Variants in TEAD2 observed in about 807,000 individuals in gnomAD.
The protein encoded by TEAD2 is TEA domain transcription factor 2, also known as transcriptional enhancer factor TEF-4.
In TEAD2, 51 loss-of-function variants were observed where a neutral mutation model predicts 61.4. The ratio of observed to expected loss-of-function variants is 0.83; its 90% CI spans 0.66 to 1.05. The LOEUF is 1.05. Among genes scored for constraint, TEAD2 ranks in the 50% least tolerant of loss-of-function variants. The pLI, the probability that TEAD2 is intolerant of heterozygous loss-of-function variation, is 0.00. For missense variants in TEAD2, 509 were observed against 600.0 expected (o/e 0.85, Z 1.58); for synonymous variants, 244 against 243.2 (o/e 1.00, Z -0.03).
intron 10 of TEAD2, among the ~76,000 whole-genome samples, chr19:49,346,915 C>A (rs1030523251): frequency 6.6e-6 from 1 of 152,198 alleles, no homozygotes; most frequent in Non-Finnish European, 1.5e-5. Flanking sequence ...GCCCAGGACC[C>A]TATTAGCTAC....
chr19:49,341,231 G>A lies in TEAD2; in HGVS notation c.*93C>T. 2 of 1,117,554 alleles carry A rather than the reference G, an allele frequency of 1.8e-6. No homozygotes were observed. The highest frequency in any genetic ancestry group is 2.7e-6 in the Non-Finnish European group (2 of 743,668). The allele number at this position is 1,117,554 out of a possible 1,614,324, so 69.2% of individuals were successfully genotyped here. On this transcript the variant is annotated 3_prime_UTR_variant, in exon 13 of 13. Transcript: ENST00000593945. The surrounding 1 kb of genome is among the most constrained non-coding windows in gnomAD (Gnocchi z 4.2). Reference sequence around the variant, plus strand: ...CTGAGGTCAACCCCTTTACATCACAGCCCTCTCCCCAAATAAGAAGCATGA... The same window carrying A: ...CTGAGGTCAACCCCTTTACATCACAACCCTCTCCCCAAATAAGAAGCATGA...
At position 49,348,747 on chromosome 19, in the gene TEAD2, C is replaced by G. The variant is rs1365284391; in HGVS notation, c.703G>C (p.Val235Leu). ...RGLGTARLQLVEFSAFVEPPD... is the reference protein window; with the variant it reads ...RGLGTARLQLLEFSAFVEPPD... ...GGTTCCACGAAGGCTGAGAACTCTA[C>G]CAGCTGCAACCGGGCGGTGCCCAGG... The change falls in exon 9 of 13, where the codon GTA becomes CTA. Residue 235 changes from valine to leucine, a missense_variant. By Grantham distance (32) the Val-to-Leu change is conservative (BLOSUM62 1). Coordinates refer to ENST00000593945, the MANE Select transcript of TEAD2 (RefSeq NM_001256660.2). The G allele has an allele frequency of 6.2e-7, 1 of 1,614,126 alleles. No homozygotes were observed. The highest frequency in any genetic ancestry group is 1.7e-5 in the Admixed American group (1 of 60,012).
chr19:49,356,036 G>A (rs575420450), intron 4 of TEAD2, 66 bp from the exon 5 acceptor site: 531 of 1,207,136 alleles, frequency 4.4e-4, no homozygotes, highest in African/African-American at 3.1e-3. Context: ...AGTACGGCCC[G>A]GACTCCCCCA....
rs779314372 is a variant in TEAD2 at position 49,359,473 on chromosome 19, T to G, written c.259A>C (p.Ile87Leu). ...YGRNELIARY[I>L]KLRTGKTRTR... ...CGGGTCTTCCCCGTTCTCAGCTTGATGTAGCGGGCGATCAGTTCATTCCGA... is the reference window on the plus strand; with the variant it reads ...CGGGTCTTCCCCGTTCTCAGCTTGAGGTAGCGGGCGATCAGTTCATTCCGA... Residue 87 changes from isoleucine to leucine, a missense_variant, in exon 3 of 13, where the codon ATC becomes CTC. Physicochemically the swap from Ile to Leu is conservative, Grantham distance 5. Coordinates refer to ENST00000593945, the MANE Select transcript of TEAD2 (RefSeq NM_001256660.2). This position sits in a 1 kb window ranked among gnomAD's most constrained non-coding sequence, Gnocchi z 4.1. 1.4e-5 allele frequency: 23 copies of G among 1,614,070 alleles called. No individual in the cohort carries two copies. In the Admixed American group the frequency reaches 3.8e-4, roughly 27 times the overall value.
intron 7 of TEAD2, among the ~76,000 whole-genome samples, chr19:49,353,950 G>GTTTTT (rs1430808102): frequency 1.1e-5 from 1 of 94,100 alleles, no homozygotes; most frequent in African/African-American, 4.7e-5. Context: ...CCAGCTAATT[G>GTTTTT]TTTTTTGTTT....
rs186832262 is a variant in TEAD2 at position 49,354,953 on chromosome 19, G to A, written c.539+195C>T. Among the ~76,000 whole-genome samples the A allele has an allele frequency of 3.5e-3, 530 of 152,252 alleles. 3 individuals carry two copies. Among genetic ancestry groups the A allele is most frequent in the Non-Finnish European group, 5.6e-3 (380 of 68,014 alleles). On this transcript the variant is annotated intron_variant, in intron 7 of 12. Coordinates refer to ENST00000593945, the MANE Select transcript of TEAD2 (RefSeq NM_001256660.2). ...GCGGAGGTTGCAGTGAGCCGAGATC[G>A]CACCACTGTACTCCATCCAGCCTGG...
intron 7 of TEAD2, among the ~76,000 whole-genome samples, chr19:49,352,488 C>T (rs1355961665): frequency 6.6e-6 from 1 of 152,100 alleles, no homozygotes. Flanking sequence ...GCAGGAAGAT[C>T]GCTTGAGCCC....
intron 8 of TEAD2, chr19:49,349,052 G>A (rs1351060472): frequency 2.6e-5 from 13 of 498,274 alleles, no homozygotes; most frequent in Non-Finnish European, 3.2e-5. Context: ...CTGGGAAGGA[G>A]TTTCTTCCTG....
chr19:49,343,102 G>T, intron 11 of TEAD2, 129 bp downstream of exon 11: 1 of 1,094,778 alleles, frequency 9.1e-7, no homozygotes, highest in Non-Finnish European at 1.3e-6. Flanking sequence ...CCCAACGCAT[G>T]CATTAAACCC....
intron 7 of TEAD2, among the ~76,000 whole-genome samples, chr19:49,353,965 T>G (rs1000290461): frequency 5.3e-5 from 8 of 150,384 alleles, no homozygotes; most frequent in African/African-American, 2.0e-4. Flanking sequence ...TTGTTTTTTT[T>G]TTTTTGGTGT....
intron 4 of TEAD2, chr19:49,356,290 GAACA>G (rs1972387202): frequency 5.3e-6 from 1 of 187,442 alleles, no homozygotes; most frequent in Non-Finnish European, 1.0e-5. Context: ...AATCCAGACA[GAACA>G]GACAGGGAAC....
At chr19:49,348,032 A>C (rs1354321551) in intron 9 of TEAD2, among the ~76,000 whole-genome samples, 1 of 152,152 alleles carries the variant, frequency 6.6e-6, no homozygotes, top group Non-Finnish European at 1.5e-5. Flanking sequence ...TCCAAGTCAG[A>C]TTCCTAAAAC....
rs1455765167 is a variant in TEAD2, at chr19:49,341,090, C to G, written c.*234G>C. The stretch of plus-strand genomic sequence containing the variant: ...GGAGTGATCTGTCCTTTCAGACACC[C>G]ACTGTGAGGTCCCAATATCGGGGTT... On this transcript the variant is annotated 3_prime_UTR_variant, in exon 13 of 13. Coordinates refer to ENST00000593945, the MANE Select transcript of TEAD2 (RefSeq NM_001256660.2). The surrounding 1 kb of genome is among the most constrained non-coding windows in gnomAD (Gnocchi z 4.2). 6.1e-6 allele frequency: 3 copies of G among 492,090 alleles called. No homozygotes were observed. The highest frequency in any genetic ancestry group is 1.1e-5 in the Non-Finnish European group (3 of 270,332). 30.5% of individuals were successfully genotyped at this position (492,090 alleles called of 1,614,324 possible).
chr19:49,350,317 TTTTA>T (rs893480102), intron 8 of TEAD2, among the ~76,000 whole-genome samples: 1 of 152,062 alleles, frequency 6.6e-6, no homozygotes, highest in African/African-American at 2.4e-5. Context: ...TTATTTTTTA[TTTTA>T]TTTATTTATT....
At chr19:49,348,128 A>C (rs1270700237) in intron 9 of TEAD2, among the ~76,000 whole-genome samples, 1 of 152,048 alleles carries the variant, frequency 6.6e-6, no homozygotes, top group East Asian at 1.9e-4. Flanking sequence ...GCCTTAGAAA[A>C]TGGCAGAGCC....
intron 4 of TEAD2, among the ~76,000 whole-genome samples, chr19:49,356,886 A>AC (rs1169875348): frequency 1.3e-5 from 2 of 150,394 alleles, no homozygotes; most frequent in African/African-American, 2.5e-5. Context: ...GGATGACTGC[A>AC]CCCCCCGCCC....
At chr19:49,357,141 G>A (rs896741735) in intron 4 of TEAD2, 111 bp downstream of exon 4, 41 of 1,028,262 alleles carry the variant, frequency 4.0e-5, no homozygotes, top group African/African-American at 8.1e-5. Flanking sequence ...AGTCCTCCCC[G>A]CTCTAAGTCT....
chr19:49,354,146 G>C (rs978102308), intron 7 of TEAD2, among the ~76,000 whole-genome samples: 1 of 150,214 alleles, frequency 6.7e-6, no homozygotes, highest in African/African-American at 2.4e-5. Context: ...CTGCCTCACC[G>C]TCCTGCAGCC....
chr19:49,340,778 A>AT lies in TEAD2; in HGVS notation c.*545dup, dbSNP rs1333758140. ...CACCCACTTATAAATATCTCGTTATATTAAAAAAAAAAAAAATGTCCAGGG... is the reference window on the plus strand; with the variant it reads ...CACCCACTTATAAATATCTCGTTATATTTAAAAAAAAAAAAAATGTCCAGGG... On this transcript the variant is annotated 3_prime_UTR_variant, in exon 13 of 13. Transcript: ENST00000593945. 8 of 186,048 alleles carry AT rather than the reference A, an allele frequency of 4.3e-5. No homozygotes were observed. The highest frequency in any genetic ancestry group is 7.6e-5 in the Non-Finnish European group (7 of 92,696). The allele number at this position is 186,048 out of a possible 1,614,324, so 11.5% of individuals were successfully genotyped here.
Sources: gnomAD v4.1 joint callset for allele counts (sites outside exome capture counted in the v4.1 genomes callset) on GRCh38, gnomAD v4.1.1 for gene constraint, Gnocchi (gnomAD v3.1) non-coding constraint, MANE v1.5 for transcripts, NCBI Gene and HGNC (gene_info 2026-07-23, HGNC 2026-07-21) for gene names.